The following PCNX1 variants were observed in gnomAD, a reference collection of about 807,000 sequenced individuals.
The protein encoded by PCNX1 is pecanex 1.
In PCNX1, 78 loss-of-function variants were observed where a neutral mutation model predicts 242.2. The ratio of observed to expected loss-of-function variants is 0.32; its 90% CI spans 0.27 to 0.39. The LOEUF is 0.39. PCNX1 is among the 10% of genes least tolerant of loss of function. The pLI, the probability that PCNX1 is intolerant of heterozygous loss-of-function variation, is 1.00. For synonymous variants in PCNX1, 1,024 were observed against 1,032.9 expected (o/e 0.99, Z 0.17); for missense variants, 2,581 against 2,856.5 (o/e 0.90, Z 2.20).
At position 71,086,652 on chromosome 14, in the gene PCNX1, A is replaced by G. The variant is rs187265298; in HGVS notation, c.5338-1678A>G. ...ATTCGGATGATTCTTTTCTCAGCCT[A>G]GGGTCCTCTTTGCGTGTGTGCTGTT... On this transcript the variant is annotated intron_variant, in intron 28 of 35. Transcript: ENST00000304743. 2.4e-4 allele frequency among the ~76,000 whole-genome samples: 36 copies of G among 152,304 alleles called. No homozygotes were observed. The East Asian group carries it at 4.2e-3, about 18-fold the overall frequency.
intron 19 of PCNX1, among the ~76,000 whole-genome samples, chr14:71,041,797 A>T (rs1382888247): frequency 8.3e-6 from 1 of 120,804 alleles, no homozygotes; most frequent in Non-Finnish European, 1.7e-5. Flanking sequence ...ACTATACTAT[A>T]CTATACTATA....
intron 7 of PCNX1, among the ~76,000 whole-genome samples, chr14:70,993,683 C>T (rs1383733386): frequency 6.6e-6 from 1 of 151,886 alleles, no homozygotes; most frequent in African/African-American, 2.4e-5. Flanking sequence ...CTTATGATGT[C>T]AAGTGAAAAA....
At chr14:71,007,879 G>A (rs560780235) in intron 8 of PCNX1, among the ~76,000 whole-genome samples, 51 of 151,624 alleles carry the variant, frequency 3.4e-4, no homozygotes, top group African/African-American at 1.1e-3. Flanking sequence ...CCAAGTTGAC[G>A]GCTTGTATCA....
At chr14:71,041,499 A>G (rs996061727) in intron 19 of PCNX1, among the ~76,000 whole-genome samples, 4 of 152,276 alleles carry the variant, frequency 2.6e-5, no homozygotes, top group Admixed American at 1.3e-4. Context: ...AGTTACTCAT[A>G]GTAGCCACTA....
At chr14:71,077,670 C>A (rs1482042819) in intron 28 of PCNX1, among the ~76,000 whole-genome samples, 1 of 152,122 alleles carries the variant, frequency 6.6e-6, no homozygotes. Flanking sequence ...AATAACCTCA[C>A]AAAAGGTTCA....
At chr14:71,109,723 G>T (rs905683656) in intron 35 of PCNX1, 72 bp from the exon 36 acceptor site, 1 of 1,573,446 alleles carries the variant, frequency 6.4e-7, no homozygotes, top group Non-Finnish European at 8.7e-7. Flanking sequence ...ACTAATCCTA[G>T]GTAGGGGTAA....
chr14:71,062,129 A>G (rs2061340295), intron 26 of PCNX1, among the ~76,000 whole-genome samples: 1 of 152,206 alleles, frequency 6.6e-6, no homozygotes, highest in Admixed American at 6.5e-5. Context: ...GAAACAAACC[A>G]AGCAAACTAT....
intron 2 of PCNX1, among the ~76,000 whole-genome samples, chr14:70,952,907 C>T (rs559648581): frequency 2.0e-5 from 3 of 152,254 alleles, no homozygotes; most frequent in Non-Finnish European, 2.9e-5. Flanking sequence ...TTCACATCTT[C>T]ATCAACATTT....
At chr14:71,008,241 C>T (rs1437624595) in intron 8 of PCNX1, among the ~76,000 whole-genome samples, 1 of 151,940 alleles carries the variant, frequency 6.6e-6, no homozygotes, top group Non-Finnish European at 1.5e-5. Context: ...ATTATGGAGT[C>T]CTTTTATTAG....
At chr14:70,979,016 T>C (rs1398369386) in intron 6 of PCNX1, among the ~76,000 whole-genome samples, 1 of 152,156 alleles carries the variant, frequency 6.6e-6, no homozygotes, top group Non-Finnish European at 1.5e-5. Context: ...CAAACCAGTT[T>C]TAATCAACTC....
rs2058244551 is a variant in PCNX1 at position 70,962,321 on chromosome 14, C to T, written c.458C>T (p.Pro153Leu). ...AGAAATTCTTATGCCGGTCTAGATC[C>T]AAGCAACCAGGTAGGAACCTGCGCT... Reference protein sequence around the residue: ...SSRNSYAGLDPSNQIGSGSSR... With the variant: ...SSRNSYAGLDLSNQIGSGSSR... The change falls in exon 3 of 36, where the codon CCA (proline) becomes CTA (leucine). Residue 153 changes from proline (P) to leucine (L), a missense_variant. By Grantham distance (98) the Pro-to-Leu change is moderately conservative (BLOSUM62 -3). Coordinates refer to ENST00000304743, the MANE Select transcript of PCNX1 (RefSeq NM_014982.3). The T allele has an allele frequency of 6.2e-7, 1 of 1,605,518 alleles. No homozygotes were observed. The highest frequency in any genetic ancestry group is 1.3e-5 in the African/African-American group (1 of 74,874).
intron 11 of PCNX1, 38 bp from the exon 12 acceptor site, chr14:71,018,971 C>T: frequency 6.5e-7 from 1 of 1,540,132 alleles, no homozygotes; most frequent in South Asian, 1.2e-5. Flanking sequence ...ATTTCTTATA[C>T]TTAAGATATA....
At chr14:71,002,608 CAT>C (rs1412217695) in intron 8 of PCNX1, among the ~76,000 whole-genome samples, 3 of 152,120 alleles carry the variant, frequency 2.0e-5, no homozygotes, top group African/African-American at 7.2e-5. Flanking sequence ...TAAATGGAGT[CAT>C]ATAGTATACA....
intron 1 of PCNX1, among the ~76,000 whole-genome samples, chr14:70,943,735 C>T (rs1401124295): frequency 6.6e-6 from 1 of 152,010 alleles, no homozygotes; most frequent in Non-Finnish European, 1.5e-5. Context: ...TCACGGCAGC[C>T]CCTCCCATCA....
intron 28 of PCNX1, among the ~76,000 whole-genome samples, chr14:71,077,005 C>A (rs1012891967): frequency 6.6e-6 from 1 of 152,162 alleles, no homozygotes. Context: ...CATTGATTTT[C>A]AAATGTTAAT....
intron 28 of PCNX1, among the ~76,000 whole-genome samples, chr14:71,084,939 A>G (rs763189758): frequency 7.9e-5 from 12 of 152,078 alleles, no homozygotes; most frequent in Non-Finnish European, 1.5e-4. Context: ...ATGGCTGCCC[A>G]GTTTTGTGCT....
At chr14:70,988,773 A>G in intron 7 of PCNX1, 74 bp downstream of exon 7, 2 of 1,497,954 alleles carry the variant, frequency 1.3e-6, no homozygotes, top group Non-Finnish European at 1.8e-6. Flanking sequence ...CAGTCCCAAG[A>G]AAGCATTTGA....
At chr14:70,949,279 GTA>G in intron 2 of PCNX1, among the ~76,000 whole-genome samples, 1 of 37,384 alleles carries the variant, frequency 2.7e-5, no homozygotes, top group Non-Finnish European at 7.9e-5. Context: ...GCACACACGT[GTA>G]TACACACACG....
At chr14:70,961,842 T>C (rs1390586990) in intron 2 of PCNX1, among the ~76,000 whole-genome samples, 1 of 152,212 alleles carries the variant, frequency 6.6e-6, no homozygotes, top group African/African-American at 2.4e-5. Flanking sequence ...ACATTCTGTG[T>C]TTACAATTGA....
Sources: gnomAD v4.1 joint callset for allele counts (sites outside exome capture counted in the v4.1 genomes callset) on GRCh38, gnomAD v4.1.1 for gene constraint, MANE v1.5 for transcripts, NCBI Gene and HGNC (gene_info 2026-07-23, HGNC 2026-07-21) for gene names.